Variants in IL1RAPL2 observed in about 807,000 individuals in gnomAD.
The protein encoded by IL1RAPL2 is interleukin 1 receptor accessory protein like 2.
IL1RAPL2 carries 3 observed loss-of-function variants against 44.1 expected under a neutral mutation model. That is an observed-to-expected ratio of 0.07 (90% CI 0.03 to 0.18). The LOEUF is 0.18. Ranked by LOEUF, IL1RAPL2 falls within the 10% of genes least tolerant of loss-of-function variation. The pLI is 1.00. For synonymous variants in IL1RAPL2, 181 were observed against 178.8 expected (o/e 1.01, Z -0.10); for missense variants, 391 against 496.4 (o/e 0.79, Z 2.02).
intron 2 of IL1RAPL2, among the ~76,000 whole-genome samples, chrX:105,072,716 T>A (rs770472880): frequency 9.0e-6 from 1 of 110,980 alleles, no homozygotes; most frequent in African/African-American, 3.3e-5. Flanking sequence ...GGTATACACG[T>A]GGCATGGTGC....
intron 1 of IL1RAPL2, among the ~76,000 whole-genome samples, chrX:104,647,026 T>A (rs957083148): frequency 2.9e-4 from 32 of 108,922 alleles, no homozygotes; most frequent in Non-Finnish European, 3.6e-4. Flanking sequence ...TGTCAAAAAT[T>A]CCAAACTTTT....
At chrX:105,086,717 TG>T (rs2032484402) in intron 2 of IL1RAPL2, among the ~76,000 whole-genome samples, 2 of 110,346 alleles carry the variant, frequency 1.8e-5, no homozygotes, top group Non-Finnish European at 3.8e-5. Context: ...TGTGTGTGTG[TG>T]TGTGTGTGTG....
intron 5 of IL1RAPL2, among the ~76,000 whole-genome samples, chrX:105,482,984 A>G (rs1182122846): frequency 1.8e-5 from 2 of 108,829 alleles, no homozygotes; most frequent in African/African-American, 3.4e-5. Flanking sequence ...GACATTATGT[A>G]TCTGCATACT....
intron 5 of IL1RAPL2, among the ~76,000 whole-genome samples, chrX:105,331,603 G>A (rs2034987162): frequency 9.0e-6 from 1 of 111,380 alleles, no homozygotes; most frequent in South Asian, 3.7e-4. Context: ...GTGACCTTCA[G>A]ACAGATACTG....
chrX:105,748,394 G>T (rs1226831102), intron 8 of IL1RAPL2, among the ~76,000 whole-genome samples: 1 of 112,000 alleles, frequency 8.9e-6, no homozygotes, highest in Non-Finnish European at 1.9e-5. Flanking sequence ...ATTCAAATAA[G>T]TAGGGGAAAT....
At chrX:104,943,036 G>A (rs1475844129) in intron 2 of IL1RAPL2, among the ~76,000 whole-genome samples, 1 of 111,568 alleles carries the variant, frequency 9.0e-6, no homozygotes, top group African/African-American at 3.3e-5. Context: ...GCATCCCAGG[G>A]ATGAAGCCAA....
intron 2 of IL1RAPL2, among the ~76,000 whole-genome samples, chrX:104,676,928 C>T (rs1428077490): frequency 7.2e-5 from 8 of 111,811 alleles, no homozygotes; most frequent in African/African-American, 1.6e-4. Flanking sequence ...ACGTAGTTCT[C>T]GAGCCTTGGT....
At chrX:104,983,558 A>G (rs917243527) in intron 2 of IL1RAPL2, among the ~76,000 whole-genome samples, 9 of 90,095 alleles carry the variant, frequency 1.0e-4, no homozygotes, top group Non-Finnish European at 1.3e-4. Flanking sequence ...TTATAGACAT[A>G]TTATATATTA....
chrX:105,351,224 A>G (rs1300895884), intron 5 of IL1RAPL2, among the ~76,000 whole-genome samples: 2 of 111,682 alleles, frequency 1.8e-5, no homozygotes, highest in Admixed American at 9.5e-5. Flanking sequence ...GCAATTCCTC[A>G]AGGACCTAGA....
chrX:105,064,053 C>G (rs1602930488), intron 2 of IL1RAPL2, among the ~76,000 whole-genome samples: 1 of 111,909 alleles, frequency 8.9e-6, no homozygotes. Context: ...TGGCTACCAC[C>G]TGTATTCACT....
intron 9 of IL1RAPL2, among the ~76,000 whole-genome samples, chrX:105,750,469 T>TTAC (rs1433814627): frequency 9.8e-6 from 1 of 102,293 alleles, no homozygotes; most frequent in African/African-American, 3.5e-5. Flanking sequence ...ATTATTATTA[T>TTAC]TATTATTATT....
chrX:104,881,874 T>G (rs1467363936), intron 2 of IL1RAPL2, among the ~76,000 whole-genome samples: 1 of 111,643 alleles, frequency 9.0e-6, no homozygotes, highest in Non-Finnish European at 1.9e-5. Flanking sequence ...TGAGAACTTT[T>G]CCCTAAGTCT....
At chrX:105,625,645 T>A (rs2147832906) in intron 6 of IL1RAPL2, among the ~76,000 whole-genome samples, 1 of 111,510 alleles carries the variant, frequency 9.0e-6, no homozygotes, top group African/African-American at 3.3e-5. Context: ...TGCTAGGGCT[T>A]GTGAGGGATA....
At chrX:105,412,339 T>TAC (rs2035703513) in intron 5 of IL1RAPL2, among the ~76,000 whole-genome samples, 1 of 95,131 alleles carries the variant, frequency 1.1e-5, no homozygotes. Flanking sequence ...TATATATATA[T>TAC]ACAATGGAAT....
intron 2 of IL1RAPL2, among the ~76,000 whole-genome samples, chrX:105,089,295 C>G (rs146784549): frequency 8.6e-4 from 96 of 111,132 alleles, no homozygotes; most frequent in Non-Finnish European, 1.6e-3. Flanking sequence ...AACCTCAACT[C>G]CAAAACCTTT....
chrX:104,843,860 C>T (rs762016651), intron 2 of IL1RAPL2, among the ~76,000 whole-genome samples: 4 of 110,828 alleles, frequency 3.6e-5, no homozygotes, highest in Non-Finnish European at 7.6e-5. Flanking sequence ...TCCTTCCAAA[C>T]ATACACAATT....
intron 2 of IL1RAPL2, among the ~76,000 whole-genome samples, chrX:105,084,159 G>A (rs1363920576): frequency 8.9e-6 from 1 of 112,672 alleles, no homozygotes; most frequent in African/African-American, 3.2e-5. Flanking sequence ...TGCTAAGGCA[G>A]TGTGGAAGGA....
chrX:105,728,619 G>A (rs1339279342), intron 7 of IL1RAPL2, among the ~76,000 whole-genome samples: 1 of 111,074 alleles, frequency 9.0e-6, no homozygotes, highest in Non-Finnish European at 1.9e-5. Flanking sequence ...AGAAAGTACA[G>A]AGAACTCTCA....
chrX:105,412,289 G>A (rs928023847), intron 5 of IL1RAPL2, among the ~76,000 whole-genome samples: 14 of 92,436 alleles, frequency 1.5e-4, no homozygotes, highest in Admixed American at 5.5e-4. Flanking sequence ...ACGCAGATGA[G>A]TGATAAGAAA....
Sources: allele counts gnomAD v4.1 joint callset (sites outside exome capture counted in the v4.1 genomes callset), GRCh38; gene constraint gnomAD v4.1.1; transcripts MANE v1.5; gene names NCBI Gene and HGNC (gene_info 2026-07-23, HGNC 2026-07-21).